TRIM51G: variants seen among roughly 807,000 people sequenced by gnomAD.
TRIM51G encodes the protein tripartite motif-containing protein 51G.
the TRIM51G span, among the ~76,000 whole-genome samples, chr11:48,983,314 A>G: frequency 6.7e-6 from 1 of 148,450 alleles, no homozygotes; most frequent in Admixed American, 6.8e-5. Flanking sequence ...GAGCATTCTT[A>G]TTTCCTTTAG....
At chr11:48,975,688 C>G in the TRIM51G span, 6 of 1,504,222 alleles carry the variant, frequency 4.0e-6, no homozygotes, top group African/African-American at 8.2e-5. Context: ...GGTAAAGAGA[C>G]TGCAGTGAGT....
the TRIM51G span, chr11:48,981,157 G>A: frequency 3.5e-6 from 5 of 1,417,984 alleles, no homozygotes; most frequent in Admixed American, 4.2e-5. Flanking sequence ...GAGGTGTGAA[G>A]TCAAGGAAGC....
the TRIM51G span, among the ~76,000 whole-genome samples, chr11:48,983,493 T>C: frequency 7.9e-5 from 12 of 152,074 alleles, no homozygotes; most frequent in Non-Finnish European, 1.6e-4. Context: ...ATTCCATATA[T>C]CCATGATGCA....
the TRIM51G span, among the ~76,000 whole-genome samples, chr11:48,982,494 T>G: frequency 6.6e-6 from 1 of 152,012 alleles, no homozygotes. Context: ...GACATGTAAG[T>G]TGGTGAGCTG....
chr11:48,981,948 C>A, the TRIM51G span, among the ~76,000 whole-genome samples: 1 of 152,154 alleles, frequency 6.6e-6, no homozygotes, highest in East Asian at 1.9e-4. Flanking sequence ...TAATGCAAAT[C>A]TGTTCAAAAA....
chr11:48,983,397 C>T, the TRIM51G span, among the ~76,000 whole-genome samples: 19 of 152,052 alleles, frequency 1.2e-4, no homozygotes, highest in South Asian at 3.1e-3. Flanking sequence ...TATGAAAGCA[C>T]ATTTACAGTA....
chr11:48,981,636 G>C, the TRIM51G span: 1 of 1,599,556 alleles, frequency 6.3e-7, no homozygotes, highest in South Asian at 1.1e-5. Flanking sequence ...CTATGAAGTA[G>C]TTCATGCAGA....
chr11:48,982,952 TATAC>T, the TRIM51G span, among the ~76,000 whole-genome samples: 1,538 of 4,642 alleles, frequency 0.33, 16 homozygotes, highest in African/African-American at 0.37. Flanking sequence ...TTTTGGTATA[TATAC>T]ATATATATAT....
chr11:48,980,881 G>A, the TRIM51G span: 2 of 475,346 alleles, frequency 4.2e-6, no homozygotes, highest in African/African-American at 4.0e-5. Flanking sequence ...AGTTCCTGGA[G>A]AAGGTAGAGT....
At chr11:48,977,361 T>C in the TRIM51G span, among the ~76,000 whole-genome samples, 1 of 152,182 alleles carries the variant, frequency 6.6e-6, no homozygotes, top group African/African-American at 2.4e-5. Flanking sequence ...TCAAGCACGA[T>C]GGAAAAGTCT....
the TRIM51G span, chr11:48,981,809 C>T: frequency 1.8e-5 from 21 of 1,135,342 alleles, no homozygotes; most frequent in East Asian, 7.1e-5. Flanking sequence ...CTCATTAAAG[C>T]GGAACAAACT....
the TRIM51G span, among the ~76,000 whole-genome samples, chr11:48,982,947 G>GTGTGTGCATA: frequency 1.2e-5 from 1 of 86,154 alleles, no homozygotes; most frequent in African/African-American, 4.5e-5. Flanking sequence ...AGTATTTTTG[G>GTGTGTGCATA]TATATATACA....
At chr11:48,978,220 T>C in the TRIM51G span, 2 of 527,890 alleles carry the variant, frequency 3.8e-6, no homozygotes, top group Non-Finnish European at 7.8e-6. Flanking sequence ...ACTAAGTTCA[T>C]TGTGTGATAT....
the TRIM51G span, among the ~76,000 whole-genome samples, chr11:48,982,657 C>G: frequency 6.6e-6 from 1 of 151,868 alleles, no homozygotes; most frequent in Non-Finnish European, 1.5e-5. Context: ...AGGACACTAG[C>G]TTAATGACAG....
chr11:48,980,520 C>T, the TRIM51G span, among the ~76,000 whole-genome samples: 1 of 152,224 alleles, frequency 6.6e-6, no homozygotes, highest in Admixed American at 6.5e-5. Flanking sequence ...ACTTGCCCAC[C>T]AGCATTCAAT....
chr11:48,983,700 G>A, the TRIM51G span, among the ~76,000 whole-genome samples: 1 of 151,780 alleles, frequency 6.6e-6, no homozygotes, highest in Non-Finnish European at 1.5e-5. Flanking sequence ...TCTTTTAAAG[G>A]AAGAGAGAAA....
the TRIM51G span, among the ~76,000 whole-genome samples, chr11:48,983,783 A>G: frequency 0.034 from 5,197 of 152,136 alleles, 120 homozygotes; most frequent in African/African-American, 0.054. Flanking sequence ...TTCCAAGAAA[A>G]AATTCTTTTA....
chr11:48,975,724 A>C, the TRIM51G span: 1 of 1,556,794 alleles, frequency 6.4e-7, no homozygotes, highest in Non-Finnish European at 8.8e-7. Flanking sequence ...TCCAAGAAGA[A>C]AGAGTCCCAC....
At chr11:48,979,024 G>T in the TRIM51G span, 6 of 1,155,952 alleles carry the variant, frequency 5.2e-6, no homozygotes, top group African/African-American at 7.5e-5. Flanking sequence ...TCCAAGTGAC[G>T]TTGCTCTTCT....
Sources: allele counts gnomAD v4.1 joint callset (sites outside exome capture counted in the v4.1 genomes callset), GRCh38; gene constraint gnomAD v4.1.1; transcripts MANE v1.5; gene names NCBI Gene and HGNC (gene_info 2026-07-23, HGNC 2026-07-21).